ITGBL1: variants seen among roughly 807,000 people sequenced by gnomAD.
The protein encoded by ITGBL1 is integrin subunit beta like 1, also known as integrin beta-like protein 1.
Under a neutral mutation model 68.5 loss-of-function variants are expected in ITGBL1, and 51 were observed. The observed-to-expected ratio is 0.74, with a 90% CI of 0.59 to 0.94. The LOEUF is 0.94. ITGBL1 is among the 40% of genes least tolerant of loss of function. The pLI is 0.00. For synonymous variants in ITGBL1, 209 were observed against 227.3 expected (o/e 0.92, Z 0.72); for missense variants, 649 against 647.4 (o/e 1.00, Z -0.03).
chr13:101,542,131 C>T (rs1323926981), intron 2 of ITGBL1, among the ~76,000 whole-genome samples: 2 of 152,140 alleles, frequency 1.3e-5, no homozygotes, highest in Admixed American at 6.6e-5. Context: ...TTTTCTAGTT[C>T]TTTTAATTGT....
chr13:101,710,196 CCTTAAA>C (rs1157221276), intron 9 of ITGBL1, among the ~76,000 whole-genome samples: 8 of 152,206 alleles, frequency 5.3e-5, no homozygotes, highest in Admixed American at 5.2e-4. Flanking sequence ...GTTTGGGAGT[CCTTAAA>C]CTTAAAAGGG....
intron 7 of ITGBL1, among the ~76,000 whole-genome samples, chr13:101,644,438 T>C (rs1378742725): frequency 6.6e-6 from 1 of 152,190 alleles, no homozygotes; most frequent in Non-Finnish European, 1.5e-5. Context: ...GATCAAATGA[T>C]TGCGATGCCT....
At chr13:101,719,625 C>T (rs958544866), downstream of ITGBL1, 1 of 151,966 alleles carries the variant, frequency 6.6e-6, no homozygotes, top group East Asian at 1.9e-4. Context: ...CATTTCTGAG[C>T]GTTGTTGAGG....
At position 101,607,412 on chromosome 13, in the gene ITGBL1, A is replaced by C. The variant is rs970814370; in HGVS notation, c.1015+9113A>C. On this transcript the variant is annotated intron_variant, in intron 7 of 10. Coordinates refer to ENST00000376180, the MANE Select transcript of ITGBL1 (RefSeq NM_004791.3). The stretch of plus-strand genomic sequence containing the variant: ...ATTAAACATATTTCCTGTTACAAAT[A>C]TAATTCTGCAGAATAATTGAAATGG... 2.0e-5 allele frequency among the ~76,000 whole-genome samples: 3 copies of C among 152,210 alleles called. No homozygotes were observed. In the East Asian group the frequency reaches 5.8e-4, roughly 29 times the overall value.
rs553625320 is a variant in ITGBL1 at position 101,484,709 on chromosome 13, T to C, written c.316+30609T>C. On this transcript the variant is annotated intron_variant, in intron 2 of 10. Transcript: ENST00000376180. ...CTCCTAGGACTATTCAGAAAATAGG[T>C]TTTAAAAATGAATGGAACATCAGTT... 4.7e-4 allele frequency among the ~76,000 whole-genome samples: 71 copies of C among 152,216 alleles called. 1 individual carries two copies. Among genetic ancestry groups the C allele is most frequent in the African/African-American group, 1.6e-3 (65 of 41,544 alleles).
rs117759361 is a variant in ITGBL1, at chr13:101,578,840, A to G, written c.587-447A>G. On this transcript the variant is annotated intron_variant, in intron 4 of 10. Transcript: ENST00000376180. ...ATGAAATATTTATTCTGCTTTAAAG[A>G]GTTGTTTGGTCATTCATAATGTCTA... Among the ~76,000 whole-genome samples, 409 of 152,330 alleles carry G rather than the reference A, an allele frequency of 2.7e-3. 5 individuals are homozygous for G. Among genetic ancestry groups the G allele is most frequent in the South Asian group, 0.013 (64 of 4,826 alleles).
chr13:101,671,455 T>TTTTTTTTTTTA (rs1566784581), intron 7 of ITGBL1, among the ~76,000 whole-genome samples: 1 of 138,838 alleles, frequency 7.2e-6, no homozygotes, highest in Non-Finnish European at 1.6e-5. Flanking sequence ...TTGTTTTTTT[T>TTTTTTTTTTTA]TGAGACGGAG....
intron 2 of ITGBL1, among the ~76,000 whole-genome samples, chr13:101,549,715 A>C (rs2049889599): frequency 6.6e-6 from 1 of 152,124 alleles, no homozygotes; most frequent in Admixed American, 6.6e-5. Context: ...GACACATGTC[A>C]GTGAAAATAT....
At chr13:101,526,155 C>CTTTT (rs66790287) in intron 2 of ITGBL1, among the ~76,000 whole-genome samples, 19,441 of 136,376 alleles carry the variant, frequency 0.14, 1,596 homozygotes, top group African/African-American at 0.19. Flanking sequence ...TCTTCTTCTT[C>CTTTT]TTTTTTTTTT....
At chr13:101,572,157 T>C (rs2050283778) in intron 3 of ITGBL1, among the ~76,000 whole-genome samples, 1 of 152,188 alleles carries the variant, frequency 6.6e-6, no homozygotes, top group African/African-American at 2.4e-5. Context: ...TTTCTTTTAA[T>C]ACCCACTTCC....
At chr13:101,627,007 C>T (rs1281277576) in intron 7 of ITGBL1, among the ~76,000 whole-genome samples, 4 of 152,136 alleles carry the variant, frequency 2.6e-5, no homozygotes, top group African/African-American at 4.8e-5. Flanking sequence ...TATGACTTTG[C>T]GTAGGTCATT....
At chr13:101,596,711 T>TA (rs953175173) in intron 6 of ITGBL1, among the ~76,000 whole-genome samples, 1 of 152,106 alleles carries the variant, frequency 6.6e-6, no homozygotes, top group Non-Finnish European at 1.5e-5. Context: ...ATGGTTAATT[T>TA]AAAAAAATCC....
At chr13:101,650,156 CA>C (rs1566775254) in intron 7 of ITGBL1, among the ~76,000 whole-genome samples, 1 of 152,150 alleles carries the variant, frequency 6.6e-6, no homozygotes, top group Non-Finnish European at 1.5e-5. Flanking sequence ...CTAAAATGCT[CA>C]AAAACTTTTT....
At chr13:101,495,725 G>T (rs894605692) in intron 2 of ITGBL1, among the ~76,000 whole-genome samples, 2 of 152,042 alleles carry the variant, frequency 1.3e-5, no homozygotes, top group South Asian at 4.1e-4. Context: ...GAAGATTAAG[G>T]GGGGGTCTTT....
intron 7 of ITGBL1, among the ~76,000 whole-genome samples, chr13:101,668,155 A>G (rs1038560521): frequency 1.3e-5 from 2 of 152,208 alleles, no homozygotes; most frequent in African/African-American, 4.8e-5. Context: ...TGGGAGGCCA[A>G]GGTGGGTGGA....
At chr13:101,549,492 T>G (rs1349891636) in intron 2 of ITGBL1, among the ~76,000 whole-genome samples, 2 of 151,666 alleles carry the variant, frequency 1.3e-5, no homozygotes, top group Non-Finnish European at 3.0e-5. Context: ...AGATCAAAAA[T>G]AAACTGAAAA....
intron 2 of ITGBL1, among the ~76,000 whole-genome samples, chr13:101,557,106 A>C (rs1022939282): frequency 1.3e-5 from 2 of 152,228 alleles, no homozygotes; most frequent in Non-Finnish European, 2.9e-5. Context: ...CTGCTGGGGC[A>C]TGAGGAATAA....
At chr13:101,570,143 A>G (rs902047789) in intron 3 of ITGBL1, among the ~76,000 whole-genome samples, 1 of 152,054 alleles carries the variant, frequency 6.6e-6, no homozygotes, top group Non-Finnish European at 1.5e-5. Flanking sequence ...TTGTTATTTC[A>G]TTTACTTAGT....
intron 2 of ITGBL1, among the ~76,000 whole-genome samples, chr13:101,527,034 G>T (rs2049392437): frequency 6.6e-6 from 1 of 151,758 alleles, no homozygotes; most frequent in Non-Finnish European, 1.5e-5. Context: ...TTGATTCTAT[G>T]CCAACAAAAA....
Sources: allele counts gnomAD v4.1 joint callset (sites outside exome capture counted in the v4.1 genomes callset), GRCh38; gene constraint gnomAD v4.1.1; transcripts MANE v1.5; gene names NCBI Gene and HGNC (gene_info 2026-07-23, HGNC 2026-07-21).